Variants in LRP1B observed in about 807,000 individuals in gnomAD.
LRP1B encodes low-density lipoprotein receptor-related protein 1B.
Under a neutral mutation model 556.6 loss-of-function variants are expected in LRP1B, and 217 were observed. That is an observed-to-expected ratio of 0.39 (90% CI 0.35 to 0.44). The LOEUF is 0.44. Ranked by LOEUF, LRP1B falls within the 20% of genes least tolerant of loss-of-function variation. The pLI, the probability that LRP1B is intolerant of heterozygous loss-of-function variation, is 1.00. For synonymous variants in LRP1B, 2,047 were observed against 1,865.8 expected, an observed-to-expected ratio of 1.10 and a Z score of -2.50; for missense variants, 5,053 against 5,620.8, an observed-to-expected ratio of 0.90 and a Z score of 3.23.
At chr2:141,821,207 G>A (rs1468903405) in intron 1 of LRP1B, among the ~76,000 whole-genome samples, 1 of 152,352 alleles carries the variant, frequency 6.6e-6, no homozygotes, top group East Asian at 1.9e-4. Flanking sequence ...CTGTAAGACA[G>A]AAATTTGTAT....
intron 68 of LRP1B, among the ~76,000 whole-genome samples, chr2:140,377,263 G>A (rs1437843081): frequency 6.6e-6 from 1 of 152,108 alleles, no homozygotes; most frequent in African/African-American, 2.4e-5. Flanking sequence ...TTTTAGAAGA[G>A]ACAGGGTTTC....
At chr2:141,690,401 ATAT>A (rs1558806518) in intron 2 of LRP1B, among the ~76,000 whole-genome samples, 12,543 of 107,432 alleles carry the variant, frequency 0.12, 1,485 homozygotes, top group East Asian at 0.29. Flanking sequence ...CTATAAATAT[ATAT>A]ATATATATAT....
intron 3 of LRP1B, among the ~76,000 whole-genome samples, chr2:141,337,194 C>T (rs1039450262): frequency 1.3e-5 from 2 of 152,274 alleles, no homozygotes; most frequent in African/African-American, 4.8e-5. Flanking sequence ...GCATCTTTTC[C>T]ACCATTTGAT....
At chr2:141,154,665 T>C (rs1183472817) in intron 7 of LRP1B, among the ~76,000 whole-genome samples, 2 of 151,864 alleles carry the variant, frequency 1.3e-5, no homozygotes, top group Non-Finnish European at 3.0e-5. Flanking sequence ...ATTTGGATGC[T>C]CAACAATAAA....
intron 25 of LRP1B, 49 bp from the exon 26 acceptor site, chr2:140,868,312 A>G: frequency 6.8e-7 from 1 of 1,477,486 alleles, no homozygotes. Flanking sequence ...TCAGTCATTC[A>G]TTTCACAGAT....
At chr2:140,628,312 C>G (rs183288410) in intron 41 of LRP1B, among the ~76,000 whole-genome samples, 1 of 151,994 alleles carries the variant, frequency 6.6e-6, no homozygotes, top group Non-Finnish European at 1.5e-5. Flanking sequence ...GGGAGGATCA[C>G]GAGGTCAGGA....
chr2:141,780,200 C>A (rs1381118571), intron 2 of LRP1B, among the ~76,000 whole-genome samples: 1 of 151,688 alleles, frequency 6.6e-6, no homozygotes, highest in Non-Finnish European at 1.5e-5. Context: ...TTTTAAAAGT[C>A]ATTTATCCAA....
In LRP1B at chr2:140,608,677, G is replaced by T. The variant is rs1406828235; in HGVS notation, c.6800-7038C>A. Among the ~76,000 whole-genome samples the T allele has an allele frequency of 2.0e-5, 3 of 152,194 alleles. No homozygotes were observed. In the East Asian group the frequency reaches 5.8e-4, roughly 29 times the overall value. On this transcript the variant is annotated intron_variant, in intron 41 of 90. Transcript: ENST00000389484. ...AGAGCATCTCAAATATTTCCATGTT[G>T]TAAGAGAGTCTTTGCTTTACACTGC... is the stretch of plus-strand genomic sequence containing the variant.
intron 2 of LRP1B, among the ~76,000 whole-genome samples, chr2:141,550,958 A>G (rs1685729553): frequency 6.6e-6 from 1 of 152,068 alleles, no homozygotes; most frequent in Admixed American, 6.6e-5. Flanking sequence ...ATATAATCTG[A>G]GTAGATACAA....
chr2:141,975,932 G>T (rs761178882), intron 1 of LRP1B, among the ~76,000 whole-genome samples: 1 of 151,994 alleles, frequency 6.6e-6, no homozygotes, highest in Non-Finnish European at 1.5e-5. Flanking sequence ...ATCATTCATT[G>T]TTCTGTTATT....
chr2:141,814,520 T>C (rs1247802045), intron 1 of LRP1B, among the ~76,000 whole-genome samples: 3 of 152,132 alleles, frequency 2.0e-5, no homozygotes, highest in African/African-American at 7.2e-5. Context: ...TGAGAGGAGA[T>C]GGTACTGTGG....
chr2:140,430,583 A>G (rs778000449), intron 66 of LRP1B, among the ~76,000 whole-genome samples: 19 of 152,132 alleles, frequency 1.2e-4, no homozygotes, highest in African/African-American at 3.4e-4. Flanking sequence ...TCTCCTTCAC[A>G]TCGGTCACTC....
chr2:140,790,364 G>C (rs1247976385), intron 32 of LRP1B, among the ~76,000 whole-genome samples: 1 of 152,188 alleles, frequency 6.6e-6, no homozygotes, highest in Non-Finnish European at 1.5e-5. Flanking sequence ...ATGACAGAGA[G>C]AGAAAAAATT....
chr2:142,027,203 C>A (rs1416103785), intron 1 of LRP1B, among the ~76,000 whole-genome samples: 1 of 151,708 alleles, frequency 6.6e-6, no homozygotes, highest in Admixed American at 6.6e-5. Flanking sequence ...ATTGCTGATG[C>A]ATGAATGAGG....
chr2:140,520,302 GTA>G (rs1166203455), intron 49 of LRP1B, among the ~76,000 whole-genome samples: 14 of 152,246 alleles, frequency 9.2e-5, no homozygotes, highest in Admixed American at 3.9e-4. Context: ...CATGTCCTTT[GTA>G]AGGACATGGA....
chr2:140,593,680 G>A (rs989529322), intron 43 of LRP1B, among the ~76,000 whole-genome samples: 1 of 151,918 alleles, frequency 6.6e-6, no homozygotes, highest in African/African-American at 2.4e-5. Context: ...GTGCGGACTT[G>A]TATTTTATTG....
chr2:141,062,043 G>C lies in LRP1B; in HGVS notation c.1236+8C>G. On this transcript the variant is annotated splice_region_variant and intron_variant, in intron 8 of 90. Transcript: ENST00000389484. ...CCTAGGAGCGTTGTCTAACAAAATTGTACTTACTTGTCTGCCTTGAATGAC... is the reference window on the plus strand; with the variant it reads ...CCTAGGAGCGTTGTCTAACAAAATTCTACTTACTTGTCTGCCTTGAATGAC... 5.0e-6 allele frequency: 8 copies of C among 1,606,420 alleles called. No individual in the cohort carries two copies. Among genetic ancestry groups the C allele is most frequent in the Non-Finnish European group, 6.8e-6 (8 of 1,173,948 alleles).
At chr2:140,886,908 A>C (rs1282731319) in intron 23 of LRP1B, among the ~76,000 whole-genome samples, 1 of 152,188 alleles carries the variant, frequency 6.6e-6, no homozygotes, top group Non-Finnish European at 1.5e-5. Context: ...TTTTAGCCTG[A>C]AACAGGCCTG....
rs188937244 is a variant in LRP1B at position 140,574,377 on chromosome 2, G to A, written c.7194+24254C>T. Among the ~76,000 whole-genome samples, 23 of 152,152 alleles carry A rather than the reference G, an allele frequency of 1.5e-4. No individual in the cohort carries two copies. In the East Asian group the frequency reaches 4.2e-3, roughly 28 times the overall value. On this transcript the variant is annotated intron_variant, in intron 43 of 90. Transcript: ENST00000389484. ...AACTTCAGTTGAGTATTTCCATGAG[G>A]TAGCAACAGCACTTTGACCATTCTA...
Sources: gnomAD v4.1 joint callset for allele counts (sites outside exome capture counted in the v4.1 genomes callset) on GRCh38, gnomAD v4.1.1 for gene constraint, MANE v1.5 for transcripts, NCBI Gene and HGNC (gene_info 2026-07-23, HGNC 2026-07-21) for gene names.